Variants in RNF217 observed in about 807,000 individuals in gnomAD.
The protein encoded by RNF217 is E3 ubiquitin-protein ligase RNF217.
In RNF217, 31 loss-of-function variants were observed where a neutral mutation model predicts 57.8. The observed-to-expected ratio is 0.54, with a 90% CI of 0.40 to 0.72. The LOEUF (loss-of-function observed/expected upper bound fraction) is 0.72, where lower values mean the gene tolerates loss of function less well. Among genes scored for constraint, RNF217 ranks in the 30% least tolerant of loss-of-function variants. The probability of loss-of-function intolerance (pLI) is 0.00; values close to 1 mark genes in which losing one functional copy is unlikely to be tolerated. For synonymous variants in RNF217, 313 were observed against 294.0 expected (o/e 1.06, Z -0.66); for missense variants, 696 against 708.3 (o/e 0.98, Z 0.20).
intron 1 of RNF217, among the ~76,000 whole-genome samples, chr6:125,037,589 T>G (rs1040697046): frequency 3.9e-5 from 6 of 152,116 alleles, no homozygotes; most frequent in Non-Finnish European, 7.4e-5. Flanking sequence ...CAAAAAACCG[T>G]ATGTGTCAGT....
At chr6:125,056,051 A>G (rs1006732046) in intron 2 of RNF217, among the ~76,000 whole-genome samples, 3 of 152,138 alleles carry the variant, frequency 2.0e-5, no homozygotes, top group Non-Finnish European at 4.4e-5. Flanking sequence ...AAGAATTTTC[A>G]AAGTTCACCT....
At chr6:125,012,159 A>G (rs755549920) in intron 1 of RNF217, among the ~76,000 whole-genome samples, 2 of 152,198 alleles carry the variant, frequency 1.3e-5, no homozygotes, top group Non-Finnish European at 2.9e-5. Context: ...ATAAAAAACT[A>G]TGAAGGAATA....
At chr6:125,031,512 T>C (rs1786358206) in intron 1 of RNF217, among the ~76,000 whole-genome samples, 2 of 152,152 alleles carry the variant, frequency 1.3e-5, no homozygotes, top group African/African-American at 4.8e-5. Context: ...CTCTAAATCA[T>C]CTCTCTCAAG....
At chr6:125,020,365 T>C (rs941720025) in intron 1 of RNF217, among the ~76,000 whole-genome samples, 1 of 152,192 alleles carries the variant, frequency 6.6e-6, no homozygotes, top group Non-Finnish European at 1.5e-5. Context: ...ATATCTGTTA[T>C]TAAAAGGGTA....
intron 1 of RNF217, among the ~76,000 whole-genome samples, chr6:125,000,743 C>T (rs1364269072): frequency 6.6e-6 from 1 of 151,950 alleles, no homozygotes; most frequent in Non-Finnish European, 1.5e-5. Context: ...TTCCATATTC[C>T]TATTTCAACT....
At chr6:124,981,030 A>T (rs1042011159) in intron 1 of RNF217, among the ~76,000 whole-genome samples, 1 of 152,190 alleles carries the variant, frequency 6.6e-6, no homozygotes, top group Non-Finnish European at 1.5e-5. Context: ...GCATATCTGG[A>T]TAAATGTAAT....
At chr6:125,028,967 A>C in intron 1 of RNF217, among the ~76,000 whole-genome samples, 1 of 152,118 alleles carries the variant, frequency 6.6e-6, no homozygotes. Context: ...ATGTGAGAAA[A>C]TATTTACCTG....
chr6:125,033,209 T>A lies in RNF217; in HGVS notation c.883-12002T>A, dbSNP rs183582416. Among the ~76,000 whole-genome samples, 333 of 151,978 alleles carry A rather than the reference T, an allele frequency of 2.2e-3. 1 individual carries two copies. The highest frequency in any genetic ancestry group is 7.3e-3 in the African/African-American group (301 of 41,464). ...CAGATTCTGTGTTCTTTTTTTTTTT[T>A]TATACTTAAGTTTTAGGGTACATGT... On this transcript the variant is annotated intron_variant, in intron 1 of 5. Transcript: ENST00000521654.
chr6:125,015,774 A>G (rs192746468), intron 1 of RNF217, among the ~76,000 whole-genome samples: 5 of 152,260 alleles, frequency 3.3e-5, no homozygotes, highest in East Asian at 1.9e-4. Context: ...TCACACACAT[A>G]TGTAACATGT....
chr6:125,058,614 T>C (rs920806779), intron 3 of RNF217, among the ~76,000 whole-genome samples: 3 of 152,196 alleles, frequency 2.0e-5, no homozygotes, highest in Non-Finnish European at 4.4e-5. Context: ...AATCAGGACT[T>C]AGGGATTTTA....
intron 1 of RNF217, among the ~76,000 whole-genome samples, chr6:124,989,644 A>G (rs1784482747): frequency 2.5e-5 from 2 of 80,672 alleles, no homozygotes; most frequent in Admixed American, 1.3e-4. Flanking sequence ...TAAATTTGAT[A>G]TAATTTTCAT....
chr6:125,015,147 G>C (rs1472058908), intron 1 of RNF217, among the ~76,000 whole-genome samples: 1 of 152,078 alleles, frequency 6.6e-6, no homozygotes, highest in East Asian at 1.9e-4. Flanking sequence ...TTATCTGAAA[G>C]TCACCTAAAA....
intron 1 of RNF217, among the ~76,000 whole-genome samples, chr6:124,985,549 A>G: frequency 6.6e-6 from 1 of 152,178 alleles, no homozygotes. Context: ...AACTGCACAT[A>G]ATTTTAACTA....
At chr6:125,037,755 T>C (rs993073722) in intron 1 of RNF217, among the ~76,000 whole-genome samples, 1 of 152,182 alleles carries the variant, frequency 6.6e-6, no homozygotes, top group Admixed American at 6.6e-5. Flanking sequence ...GTATATTTTG[T>C]GATTATTGTT....
At chr6:125,012,138 A>T (rs1785438504) in intron 1 of RNF217, among the ~76,000 whole-genome samples, 1 of 152,158 alleles carries the variant, frequency 6.6e-6, no homozygotes, top group Non-Finnish European at 1.5e-5. Context: ...ACAATAAGAA[A>T]CTACCAAGGA....
At chr6:125,050,426 T>G (rs1285808904) in intron 2 of RNF217, among the ~76,000 whole-genome samples, 3 of 152,012 alleles carry the variant, frequency 2.0e-5, no homozygotes, top group African/African-American at 7.2e-5. Flanking sequence ...GGAGAAACTC[T>G]GTCTGTGTGC....
At chr6:124,963,880 T>A (rs1783417667) in intron 1 of RNF217, among the ~76,000 whole-genome samples, 1 of 152,282 alleles carries the variant, frequency 6.6e-6, no homozygotes, top group Non-Finnish European at 1.5e-5. Flanking sequence ...GCTTCATTTG[T>A]ATATTCCAGG....
At chr6:125,081,935 C>G (rs1009383581) in intron 5 of RNF217, among the ~76,000 whole-genome samples, 17 of 152,018 alleles carry the variant, frequency 1.1e-4, no homozygotes, top group Admixed American at 1.1e-3. Flanking sequence ...TCAGTGTGTA[C>G]AGGAACATAT....
chr6:125,082,655 A>G lies in RNF217; in HGVS notation c.1556-209A>G, dbSNP rs986880193. 5.2e-6 allele frequency: 8 copies of G among 1,541,134 alleles called. No homozygotes were observed. The African/African-American group carries it at 8.3e-5, about 16-fold the overall frequency. On this transcript the variant is annotated intron_variant, in intron 5 of 5. Transcript: ENST00000521654. ...TATTTGGATAGAAATCATTATTATTAAACTGGTATCACTGAGGGTGCTAAA... is the reference window on the plus strand; with the variant it reads ...TATTTGGATAGAAATCATTATTATTGAACTGGTATCACTGAGGGTGCTAAA...
Sources: allele counts gnomAD v4.1 joint callset (sites outside exome capture counted in the v4.1 genomes callset), GRCh38; gene constraint gnomAD v4.1.1; transcripts MANE v1.5; gene names NCBI Gene and HGNC (gene_info 2026-07-23, HGNC 2026-07-21).